Variants in GRIK2 observed in about 807,000 individuals in gnomAD.
The protein encoded by GRIK2 is glutamate ionotropic receptor kainate type subunit 2, also known as glutamate receptor ionotropic, kainate 2.
Under a neutral mutation model 100.3 loss-of-function variants are expected in GRIK2, and 32 were observed. The ratio of observed to expected loss-of-function variants is 0.32; its 90% CI spans 0.24 to 0.43. The LOEUF is 0.43. Ranked by LOEUF, GRIK2 falls within the 20% of genes least tolerant of loss-of-function variation. The pLI, the probability that GRIK2 is intolerant of heterozygous loss-of-function variation, is 1.00. For missense variants in GRIK2, 843 were observed against 1,114.9 expected, an observed-to-expected ratio of 0.76 and a Z score of 3.47; for synonymous variants, 417 against 389.4, an observed-to-expected ratio of 1.07 and a Z score of -0.83.
At chr6:101,612,684 A>C (rs766475979) in intron 2 of GRIK2, among the ~76,000 whole-genome samples, 16 of 150,836 alleles carry the variant, frequency 1.1e-4, no homozygotes, top group Non-Finnish European at 1.9e-4. Flanking sequence ...AAAAGCTCAC[A>C]ATGAGAGATA....
At chr6:101,624,059 G>C (rs945452754) in intron 3 of GRIK2, among the ~76,000 whole-genome samples, 1 of 151,894 alleles carries the variant, frequency 6.6e-6, no homozygotes, top group African/African-American at 2.4e-5. Context: ...GTTACCTTTT[G>C]ACATTTTATC....
At chr6:101,808,177 G>T (rs185335371) in intron 9 of GRIK2, among the ~76,000 whole-genome samples, 1 of 152,064 alleles carries the variant, frequency 6.6e-6, no homozygotes, top group Admixed American at 6.6e-5. Flanking sequence ...TATTCAGGAA[G>T]ATCTTAGACT....
intron 14 of GRIK2, among the ~76,000 whole-genome samples, chr6:102,015,658 C>T (rs1462075165): frequency 6.6e-6 from 1 of 152,186 alleles, no homozygotes; most frequent in Non-Finnish European, 1.5e-5. Context: ...CTCCACCGTG[C>T]TGCTGCTGCT....
intron 2 of GRIK2, among the ~76,000 whole-genome samples, chr6:101,460,643 G>T (rs1177038809): frequency 6.6e-6 from 1 of 152,114 alleles, no homozygotes; most frequent in African/African-American, 2.4e-5. Flanking sequence ...CCTCATCCTG[G>T]AGAAATTTGC....
intron 12 of GRIK2, among the ~76,000 whole-genome samples, chr6:101,910,701 A>T (rs1582515517): frequency 6.6e-6 from 1 of 151,522 alleles, no homozygotes; most frequent in South Asian, 2.1e-4. Context: ...CTGCCTTTTA[A>T]ATAATAGATC....
At chr6:101,671,446 C>T (rs537976624) in intron 4 of GRIK2, among the ~76,000 whole-genome samples, 2 of 152,082 alleles carry the variant, frequency 1.3e-5, no homozygotes, top group African/African-American at 4.8e-5. Flanking sequence ...AGTCTCTTTA[C>T]TATTTAGTTT....
chr6:102,021,406 G>C (rs1329562891), intron 14 of GRIK2, among the ~76,000 whole-genome samples: 1 of 146,418 alleles, frequency 6.8e-6, no homozygotes, highest in Non-Finnish European at 1.5e-5. Flanking sequence ...TTCTTTACAA[G>C]ATAATTATGT....
At chr6:101,750,986 A>T (rs1776751338) in intron 7 of GRIK2, among the ~76,000 whole-genome samples, 1 of 152,234 alleles carries the variant, frequency 6.6e-6, no homozygotes, top group Admixed American at 6.5e-5. Context: ...TGGTACAGTG[A>T]AAAAAGTACT....
At chr6:101,902,259 T>C (rs1005700776) in intron 12 of GRIK2, among the ~76,000 whole-genome samples, 3 of 151,840 alleles carry the variant, frequency 2.0e-5, no homozygotes, top group Admixed American at 1.3e-4. Context: ...ATACCACTAA[T>C]ATGTAATATG....
intron 2 of GRIK2, among the ~76,000 whole-genome samples, chr6:101,605,356 G>C (rs1241601184): frequency 6.6e-6 from 1 of 151,872 alleles, no homozygotes; most frequent in Non-Finnish European, 1.5e-5. Flanking sequence ...AAGTGCTCTG[G>C]ATTCATTAGT....
intron 16 of GRIK2, 36 bp from the exon 17 acceptor site, chr6:102,068,311 T>A: frequency 6.8e-7 from 1 of 1,461,412 alleles, no homozygotes; most frequent in Non-Finnish European, 9.5e-7. Context: ...AGTTTATGTA[T>A]CTTGTAATAT....
At chr6:101,841,854 A>AT (rs11448937) in intron 10 of GRIK2, among the ~76,000 whole-genome samples, 42,226 of 151,968 alleles carry the variant, frequency 0.28, 8,391 homozygotes, top group East Asian at 0.68. Flanking sequence ...CATTTCTATA[A>AT]TTAGTTGACA....
At position 101,580,373 on chromosome 6, in the gene GRIK2, C is replaced by G. The variant is rs138363298; in HGVS notation, c.116-41576C>G. On this transcript the variant is annotated intron_variant, in intron 2 of 16. Transcript: ENST00000369134. ...GAAGTCATTTTTAAATTGTCTCTTT[C>G]CCCTATACCCCATGTGTGATCTGTT... is the stretch of plus-strand genomic sequence containing the variant. Among the ~76,000 whole-genome samples the G allele has an allele frequency of 3.9e-3, 591 of 152,180 alleles. 3 individuals are homozygous for G. The highest frequency in any genetic ancestry group is 0.014 in the African/African-American group (568 of 41,522).
intron 2 of GRIK2, among the ~76,000 whole-genome samples, 193 bp from the exon 3 acceptor site, chr6:101,621,756 G>T (rs1241343040): frequency 6.6e-6 from 1 of 151,952 alleles, no homozygotes; most frequent in Non-Finnish European, 1.5e-5. Context: ...ATATCCCAAA[G>T]TTCATAAAGT....
intron 1 of GRIK2, chr6:101,398,760 G>C (rs772102518): frequency 1.1e-5 from 4 of 358,842 alleles, no homozygotes; most frequent in Admixed American, 4.7e-5. Flanking sequence ...ATAGATATTG[G>C]GGAGCTCACT....
In GRIK2 at chr6:101,879,706, C is replaced by A. The variant is rs1420401114; in HGVS notation, c.1525-9934C>A. The stretch of plus-strand genomic sequence containing the variant: ...TTTTTTTTTTTACCCCATCCAACCC[C>A]TGAGTTGGGCAACTGGAAGAAGCTG... On this transcript the variant is annotated intron_variant, in intron 11 of 16. Coordinates refer to ENST00000369134, the MANE Select transcript of GRIK2 (RefSeq NM_021956.5). 3.3e-5 allele frequency among the ~76,000 whole-genome samples: 5 copies of A among 151,618 alleles called. No homozygotes were observed. In the East Asian group the frequency reaches 9.8e-4, roughly 30 times the overall value.
chr6:101,680,653 TTATCTC>T (rs1285089930), intron 5 of GRIK2, among the ~76,000 whole-genome samples: 1 of 152,170 alleles, frequency 6.6e-6, no homozygotes, highest in African/African-American at 2.4e-5. Context: ...TCAATTACCT[TTATCTC>T]TAGTTCTATA....
chr6:101,692,962 G>A (rs1355646404), intron 7 of GRIK2, among the ~76,000 whole-genome samples: 1 of 151,936 alleles, frequency 6.6e-6, no homozygotes, highest in East Asian at 1.9e-4. Context: ...TAACAGAATG[G>A]CACTATATTT....
intron 12 of GRIK2, among the ~76,000 whole-genome samples, chr6:101,901,405 T>G (rs1406080649): frequency 6.6e-6 from 1 of 151,984 alleles, no homozygotes; most frequent in Non-Finnish European, 1.5e-5. Context: ...CTTTGACATT[T>G]GTAAAATTGC....
Sources: allele counts gnomAD v4.1 joint callset (sites outside exome capture counted in the v4.1 genomes callset), GRCh38; gene constraint gnomAD v4.1.1; transcripts MANE v1.5; gene names NCBI Gene and HGNC (gene_info 2026-07-23, HGNC 2026-07-21).